PDE4B: variants seen among roughly 807,000 people sequenced by gnomAD.
The protein encoded by PDE4B is 3',5'-cyclic-AMP phosphodiesterase 4B.
Under a neutral mutation model 82.2 loss-of-function variants are expected in PDE4B, and 20 were observed. That is an observed-to-expected ratio of 0.24 (90% confidence interval 0.17 to 0.35). The LOEUF (loss-of-function observed/expected upper bound fraction) is 0.35. Ranked by LOEUF, PDE4B falls within the 10% of genes least tolerant of loss-of-function variation. The pLI is 1.00. For missense variants in PDE4B, 655 were observed against 907.2 expected (o/e 0.72, Z 3.57); for synonymous variants, 320 against 318.9 (o/e 1.00, Z -0.04).
chr1:66,078,812 G>T (rs758051354), intron 3 of PDE4B, among the ~76,000 whole-genome samples: 1 of 151,962 alleles, frequency 6.6e-6, no homozygotes, highest in Non-Finnish European at 1.5e-5. Flanking sequence ...CGCATAATAC[G>T]TGAGAGGTTC....
chr1:66,099,667 A>C (rs1373786413), intron 3 of PDE4B, among the ~76,000 whole-genome samples: 3 of 152,160 alleles, frequency 2.0e-5, no homozygotes, highest in Non-Finnish European at 4.4e-5. Flanking sequence ...TTGCTAATAG[A>C]CTAAGCTAGT....
intron 1 of PDE4B, among the ~76,000 whole-genome samples, chr1:65,808,943 T>G (rs549168649): frequency 6.6e-6 from 1 of 152,282 alleles, no homozygotes; most frequent in East Asian, 1.9e-4. Context: ...CAGATCAGGC[T>G]TTTACAATAT....
chr1:65,874,402 C>G (rs1429424346), intron 1 of PDE4B, among the ~76,000 whole-genome samples: 1 of 152,068 alleles, frequency 6.6e-6, no homozygotes, highest in African/African-American at 2.4e-5. Context: ...AATTGAATAC[C>G]CTTTATTTCT....
rs570057271 is a variant in PDE4B, at chr1:65,991,367, C to T, written c.281+72532C>T. Among the ~76,000 whole-genome samples, 3 of 152,290 alleles carry T rather than the reference C, an allele frequency of 2.0e-5. No homozygotes were observed. The East Asian group carries it at 5.8e-4, about 29-fold the overall frequency. On this transcript the variant is annotated intron_variant, in intron 3 of 16. Coordinates refer to ENST00000341517, the MANE Select transcript of PDE4B (RefSeq NM_002600.4). Reference sequence around the variant, plus strand: ...AAGTGTTGGGATTACAGGCATGAGCCACCACGCTCAGCCCAAATGATTTTA... The same window carrying T: ...AAGTGTTGGGATTACAGGCATGAGCTACCACGCTCAGCCCAAATGATTTTA...
At chr1:65,813,493 G>A (rs1645843584) in intron 1 of PDE4B, among the ~76,000 whole-genome samples, 1 of 152,098 alleles carries the variant, frequency 6.6e-6, no homozygotes, top group African/African-American at 2.4e-5. Context: ...GGAACTCTCA[G>A]GAAAAAGCCA....
At chr1:65,812,519 T>A (rs1645832189) in intron 1 of PDE4B, among the ~76,000 whole-genome samples, 1 of 152,326 alleles carries the variant, frequency 6.6e-6, no homozygotes. Context: ...TGGCATTAAA[T>A]TTCCAAGACA....
intron 3 of PDE4B, among the ~76,000 whole-genome samples, chr1:66,081,346 C>T (rs368762713): frequency 6.6e-6 from 1 of 152,068 alleles, no homozygotes; most frequent in Admixed American, 6.6e-5. Context: ...GTCCCACCAG[C>T]CTTTGTCTGA....
At chr1:66,197,772 T>C (rs772717325) in intron 3 of PDE4B, among the ~76,000 whole-genome samples, 7 of 152,146 alleles carry the variant, frequency 4.6e-5, no homozygotes, top group Non-Finnish European at 1.0e-4. Context: ...AGACAAAATT[T>C]AGAATACCTA....
intron 2 of PDE4B, 29 bp from the exon 3 acceptor site, chr1:65,918,568 C>CTTTTTTT: frequency 2.3e-6 from 3 of 1,303,040 alleles, no homozygotes; most frequent in Admixed American, 1.7e-5. Flanking sequence ...TCTTTCTCTT[C>CTTTTTTT]TTTTTTTCTT....
At chr1:65,971,417 T>C (rs1650131828) in intron 3 of PDE4B, among the ~76,000 whole-genome samples, 1 of 152,190 alleles carries the variant, frequency 6.6e-6, no homozygotes, top group African/African-American at 2.4e-5. Context: ...CTTTCTCTGC[T>C]ATGAACATCT....
chr1:65,941,785 G>A (rs528787209), intron 3 of PDE4B, among the ~76,000 whole-genome samples: 1 of 151,990 alleles, frequency 6.6e-6, no homozygotes, highest in Admixed American at 6.6e-5. Context: ...TTAGCAGTTT[G>A]CAAAAATATA....
intron 8 of PDE4B, among the ~76,000 whole-genome samples, chr1:66,343,168 A>T (rs898040095): frequency 6.0e-4 from 91 of 152,130 alleles, no homozygotes; most frequent in African/African-American, 2.2e-3. Flanking sequence ...AAAGGCACAG[A>T]TTTTTTTTAA....
At chr1:65,914,784 T>C (rs1647140739) in intron 2 of PDE4B, among the ~76,000 whole-genome samples, 1 of 152,144 alleles carries the variant, frequency 6.6e-6, no homozygotes, top group Non-Finnish European at 1.5e-5. Context: ...ATGGTGGGCA[T>C]AGTCAAAAGA....
intron 3 of PDE4B, among the ~76,000 whole-genome samples, chr1:66,028,847 A>T (rs1196747127): frequency 1.3e-5 from 2 of 152,204 alleles, no homozygotes; most frequent in Non-Finnish European, 2.9e-5. Context: ...TTTATTGTCC[A>T]TATTGCTATC....
At chr1:65,941,313 C>T (rs1001641730) in intron 3 of PDE4B, among the ~76,000 whole-genome samples, 5 of 152,014 alleles carry the variant, frequency 3.3e-5, no homozygotes, top group Non-Finnish European at 5.9e-5. Flanking sequence ...CTCTCAGAAA[C>T]TCATAATCTC....
At chr1:65,811,236 G>T (rs1204769947) in intron 1 of PDE4B, among the ~76,000 whole-genome samples, 2 of 152,084 alleles carry the variant, frequency 1.3e-5, no homozygotes, top group African/African-American at 4.8e-5. Context: ...ACTTGCTCAG[G>T]GTCATATGCT....
intron 3 of PDE4B, among the ~76,000 whole-genome samples, chr1:65,996,399 G>T (rs751322017): frequency 2.0e-5 from 3 of 151,792 alleles, no homozygotes. Flanking sequence ...GTAAGAGCCT[G>T]CATGAATCTG....
intron 1 of PDE4B, among the ~76,000 whole-genome samples, chr1:65,886,545 A>T (rs1646779134): frequency 6.6e-6 from 1 of 152,034 alleles, no homozygotes; most frequent in African/African-American, 2.4e-5. Context: ...ATCTACTTAC[A>T]CACCCTTCTC....
intron 7 of PDE4B, among the ~76,000 whole-genome samples, chr1:66,299,105 T>G (rs148128722): frequency 3.9e-5 from 6 of 152,256 alleles, no homozygotes; most frequent in Middle Eastern, 3.4e-3. Context: ...TCTTCTAGCT[T>G]TGAACGTATA....
Sources: gnomAD v4.1 joint callset for allele counts (sites outside exome capture counted in the v4.1 genomes callset) on GRCh38, gnomAD v4.1.1 for gene constraint, MANE v1.5 for transcripts, NCBI Gene and HGNC (gene_info 2026-07-23, HGNC 2026-07-21) for gene names.